Variants in CCDC60 observed in about 807,000 individuals in gnomAD.
CCDC60 encodes coiled-coil domain-containing protein 60.
Under a neutral mutation model 63.5 loss-of-function variants are expected in CCDC60, and 54 were observed. The observed-to-expected ratio is 0.85, with a 90% CI of 0.68 to 1.07. The LOEUF (loss-of-function observed/expected upper bound fraction) is 1.07, where lower values mean the gene tolerates loss of function less well. Ranked by LOEUF, CCDC60 falls within the 50% of genes least tolerant of loss-of-function variation. The pLI is 0.00. For synonymous variants in CCDC60, 206 were observed against 238.8 expected (o/e 0.86, Z 1.27); for missense variants, 651 against 684.3 (o/e 0.95, Z 0.54).
chr12:119,334,846 T>A lies in CCDC60; in HGVS notation c.-331T>A. The A allele has an allele frequency of 5.2e-6, 1 of 191,574 alleles. No individual in the cohort carries two copies. The highest frequency in any genetic ancestry group is 1.1e-5 in the Non-Finnish European group (1 of 94,300). 11.9% of individuals were successfully genotyped at this position (191,574 alleles called of 1,614,324 possible). A position where few individuals can be genotyped will look rare whatever the true frequency, so the allele number is the denominator to read the frequency against. ...CACTTTGTCACTGGAATTTTATTTA[T>A]TTTTTAGTTCATATTTTATTTTGCT... On this transcript the variant is annotated 5_prime_UTR_variant, in exon 1 of 14. An upstream open reading frame in the 5' UTR gains an earlier in-frame stop. Coordinates refer to ENST00000327554, the MANE Select transcript of CCDC60 (RefSeq NM_178499.5).
Position 119,540,735 on chromosome 12 carries a change from G to A in CCDC60, c.*20G>A, listed in dbSNP as rs1187456722. 1.3e-6 allele frequency: 2 copies of A among 1,549,768 alleles called. No homozygotes were observed. The highest frequency in any genetic ancestry group is 1.7e-5 in the Admixed American group (1 of 59,842). The stretch of plus-strand genomic sequence containing the variant: ...AGGTAGGCTGGGCCTGGGTTGACCA[G>A]CTGTCTCAGTGGAGGAGTGTTTGCC... On this transcript the variant is annotated 3_prime_UTR_variant, in exon 14 of 14. Transcript: ENST00000327554.
intron 1 of CCDC60, among the ~76,000 whole-genome samples, chr12:119,347,813 G>A (rs1340859446): frequency 6.6e-6 from 1 of 152,120 alleles, no homozygotes; most frequent in Non-Finnish European, 1.5e-5. Context: ...CTGCCTCATC[G>A]GGTTGTTGAG....
chr12:119,455,266 A>G (rs1950704736), intron 2 of CCDC60, among the ~76,000 whole-genome samples: 1 of 152,354 alleles, frequency 6.6e-6, no homozygotes, highest in East Asian at 1.9e-4. Flanking sequence ...AATAGAGAGA[A>G]GTAGGGAAGG....
chr12:119,384,901 G>A (rs1250067259), intron 1 of CCDC60, among the ~76,000 whole-genome samples: 1 of 152,204 alleles, frequency 6.6e-6, no homozygotes, highest in Non-Finnish European at 1.5e-5. Flanking sequence ...TGTTTTGTGG[G>A]TTGAGTTCTG....
chr12:119,530,729 G>A, intron 12 of CCDC60, 145 bp from the exon 13 acceptor site: 1 of 580,430 alleles, frequency 1.7e-6, no homozygotes, highest in South Asian at 3.3e-5. Flanking sequence ...TGATCTGTGG[G>A]TCACAGAGGA....
chr12:119,490,390 C>T (rs571716816), intron 5 of CCDC60, among the ~76,000 whole-genome samples: 2 of 152,202 alleles, frequency 1.3e-5, no homozygotes, highest in Admixed American at 1.3e-4. Flanking sequence ...GTAAAACAGA[C>T]TTTTCTAAAT....
intron 1 of CCDC60, among the ~76,000 whole-genome samples, chr12:119,403,632 C>T (rs891256618): frequency 3.9e-5 from 6 of 152,088 alleles, no homozygotes; most frequent in African/African-American, 1.4e-4. Flanking sequence ...CATAAAATCC[C>T]AGATCCCAGC....
At chr12:119,377,364 C>A (rs1452916808) in intron 1 of CCDC60, among the ~76,000 whole-genome samples, 1 of 151,584 alleles carries the variant, frequency 6.6e-6, no homozygotes, top group Admixed American at 6.6e-5. Flanking sequence ...TGTTGTAAAG[C>A]CTTGTCTCTG....
At chr12:119,505,494 T>C (rs1011072234) in intron 7 of CCDC60, among the ~76,000 whole-genome samples, 191 bp downstream of exon 7, 4 of 152,220 alleles carry the variant, frequency 2.6e-5, no homozygotes, top group Admixed American at 6.5e-5. Context: ...ATAACTTGGG[T>C]TGCCCCAAGC....
intron 11 of CCDC60, among the ~76,000 whole-genome samples, chr12:119,524,721 C>CTTTTTTTTTTTGTTTTTT (rs1952636585): frequency 1.0e-5 from 1 of 99,050 alleles, no homozygotes; most frequent in Non-Finnish European, 1.9e-5. Flanking sequence ...CTTTTCTTTT[C>CTTTTTTTTTTTGTTTTTT]TTTTTTTTTT....
intron 1 of CCDC60, among the ~76,000 whole-genome samples, chr12:119,367,960 A>T (rs1216484531): frequency 6.6e-6 from 1 of 151,724 alleles, no homozygotes. Context: ...ATGGTTGCAC[A>T]TATCTGTGAG....
chr12:119,519,471 T>A (rs28649410), intron 8 of CCDC60, among the ~76,000 whole-genome samples: 41 of 143,466 alleles, frequency 2.9e-4, no homozygotes, highest in African/African-American at 7.0e-4. Flanking sequence ...ATATATATTT[T>A]TTTTTTTTTT....
At chr12:119,482,009 A>ATATATATATGTATATATAG (rs1566033926) in intron 4 of CCDC60, among the ~76,000 whole-genome samples, 8,696 of 39,938 alleles carry the variant, frequency 0.22, 314 homozygotes, top group Non-Finnish European at 0.28. Flanking sequence ...TATATATAGT[A>ATATATATATGTATATATAG]TATATATATG....
chr12:119,407,352 AG>A (rs1555236641), intron 1 of CCDC60, among the ~76,000 whole-genome samples: 69 of 147,944 alleles, frequency 4.7e-4, no homozygotes, highest in Middle Eastern at 3.4e-3. Context: ...ACAAAAAAAA[AG>A]AAAAGAAAAG....
chr12:119,370,956 C>G (rs905793500), intron 1 of CCDC60, among the ~76,000 whole-genome samples: 3 of 152,132 alleles, frequency 2.0e-5, no homozygotes, highest in African/African-American at 7.2e-5. Flanking sequence ...CCTTTGAGCC[C>G]AGGAGGTTGA....
intron 1 of CCDC60, among the ~76,000 whole-genome samples, chr12:119,407,688 T>C (rs938478025): frequency 6.6e-6 from 1 of 152,246 alleles, no homozygotes; most frequent in African/African-American, 2.4e-5. Context: ...ACTGGGTTCA[T>C]TTCCTGACCC....
chr12:119,384,900 G>T (rs930479577), intron 1 of CCDC60, among the ~76,000 whole-genome samples: 5 of 152,336 alleles, frequency 3.3e-5, no homozygotes, highest in Admixed American at 2.6e-4. Context: ...GTGTTTTGTG[G>T]GTTGAGTTCT....
At chr12:119,482,704 A>G (rs1951354103) in intron 4 of CCDC60, among the ~76,000 whole-genome samples, 1 of 152,160 alleles carries the variant, frequency 6.6e-6, no homozygotes, top group African/African-American at 2.4e-5. Context: ...GTGGCTTAAA[A>G]CAACGATTTA....
At chr12:119,475,428 G>T (rs2136335124) in intron 3 of CCDC60, among the ~76,000 whole-genome samples, 1 of 152,316 alleles carries the variant, frequency 6.6e-6, no homozygotes, top group East Asian at 1.9e-4. Flanking sequence ...TTTATTTAAA[G>T]TTTAATAAGT....
Sources: allele counts gnomAD v4.1 joint callset (sites outside exome capture counted in the v4.1 genomes callset), GRCh38; gene constraint gnomAD v4.1.1; transcripts MANE v1.5; gene names NCBI Gene and HGNC (gene_info 2026-07-23, HGNC 2026-07-21).